Variants in RBFOX1 observed in about 807,000 individuals in gnomAD.
RBFOX1 encodes RNA binding protein fox-1 homolog 1.
In RBFOX1, 8 loss-of-function variants were observed where a neutral mutation model predicts 57.7. The observed-to-expected ratio is 0.14, with a 90% CI of 0.08 to 0.25. RBFOX1 has a LOEUF of 0.25. Among genes scored for constraint, RBFOX1 ranks in the 10% least tolerant of loss-of-function variants. RBFOX1 has a pLI of 1.00. For missense variants in RBFOX1, 611 were observed against 548.5 expected, an observed-to-expected ratio of 1.11 and a Z score of -1.14; for synonymous variants, 326 against 222.4, an observed-to-expected ratio of 1.47 and a Z score of -4.15.
chr16:6,768,095 A>T (rs12051090), intron 3 of RBFOX1, among the ~76,000 whole-genome samples: 9 of 151,384 alleles, frequency 5.9e-5, no homozygotes, highest in African/African-American at 1.9e-4. Flanking sequence ...ATATGAATCC[A>T]CTGATAAAGG....
At chr16:5,581,123 C>T (rs578221001) in intron 2 of RBFOX1, among the ~76,000 whole-genome samples, 3 of 152,132 alleles carry the variant, frequency 2.0e-5, no homozygotes, top group Non-Finnish European at 4.4e-5. Flanking sequence ...CTTGACAGAT[C>T]CAGAGGAGAA....
At chr16:6,729,287 G>T (rs946735596) in intron 3 of RBFOX1, among the ~76,000 whole-genome samples, 40 of 152,266 alleles carry the variant, frequency 2.6e-4, no homozygotes, top group African/African-American at 8.2e-4. Context: ...TGACGATCAA[G>T]ATTTGTTTAG....
intron 3 of RBFOX1, among the ~76,000 whole-genome samples, chr16:6,701,682 C>G (rs1344622074): frequency 1.3e-5 from 2 of 152,084 alleles, no homozygotes; most frequent in Non-Finnish European, 2.9e-5. Context: ...TTCATAATAG[C>G]AAAGACATGG....
chr16:5,420,004 T>G (rs9925972), intron 1 of RBFOX1, among the ~76,000 whole-genome samples: 8,927 of 152,152 alleles, frequency 0.059, 655 homozygotes, highest in African/African-American at 0.17. Context: ...TATTGTGACT[T>G]GGGCCTGTGA....
intron 14 of RBFOX1, among the ~76,000 whole-genome samples, chr16:7,701,129 G>C (rs189126314): frequency 1.2e-4 from 18 of 150,656 alleles, no homozygotes; most frequent in African/African-American, 4.0e-4. Flanking sequence ...GCGCTTTAAA[G>C]ACAAGCTAAG....
intron 4 of RBFOX1, among the ~76,000 whole-genome samples, chr16:7,470,451 G>T (rs562346740): frequency 6.6e-6 from 1 of 151,964 alleles, no homozygotes; most frequent in Non-Finnish European, 1.5e-5. Flanking sequence ...ATGAGTGGGT[G>T]GGTGGATGAG....
intron 2 of RBFOX1, among the ~76,000 whole-genome samples, chr16:6,477,727 T>G (rs1468927714): frequency 6.6e-6 from 1 of 152,206 alleles, no homozygotes; most frequent in Non-Finnish European, 1.5e-5. Flanking sequence ...GTTGACTTCT[T>G]TCTATGAAAG....
rs199713729 is a variant in RBFOX1 at position 6,830,362 on chromosome 16, C to CTT, written c.-16+175720_-16+175721dup. On this transcript the variant is annotated intron_variant, in intron 3 of 15. Transcript: ENST00000550418. ...CATTGTTTCATAAGAAAATATTCCA[C>CTT]TTTTTTTTTCCAGTTTATCTTTGAA... Among the ~76,000 whole-genome samples, 120 of 151,742 alleles carry CTT rather than the reference C, an allele frequency of 7.9e-4. 1 individual carries two copies. In the East Asian group the frequency reaches 0.02, roughly 25 times the overall value.
intron 2 of RBFOX1, among the ~76,000 whole-genome samples, chr16:6,601,818 G>T (rs185569319): frequency 6.6e-6 from 1 of 152,172 alleles, no homozygotes; most frequent in Non-Finnish European, 1.5e-5. Flanking sequence ...AGTGCTGCCC[G>T]CATGGAATTG....
chr16:6,985,976 A>T (rs902642673), intron 3 of RBFOX1, among the ~76,000 whole-genome samples: 1 of 151,472 alleles, frequency 6.6e-6, no homozygotes, highest in African/African-American at 2.4e-5. Context: ...TTCCAAACTT[A>T]CCGGACGAGA....
intron 12 of RBFOX1, among the ~76,000 whole-genome samples, chr16:7,663,798 C>A (rs1432808162): frequency 6.6e-6 from 1 of 152,160 alleles, no homozygotes. Flanking sequence ...GCCTTGTGAT[C>A]CTTACAAAAA....
At position 6,885,825 on chromosome 16, in the gene RBFOX1, C is replaced by A. The variant is rs575914437; in HGVS notation, c.-15-166232C>A. On this transcript the variant is annotated intron_variant, in intron 3 of 15. Coordinates refer to ENST00000550418, the MANE Select transcript of RBFOX1 (RefSeq NM_018723.4). ...GGATTACGGGCATGAATCACTGCAC[C>A]CGGCCTTAGTCATGCAATTTTTATT... Among the ~76,000 whole-genome samples, 9 of 152,264 alleles carry A rather than the reference C, an allele frequency of 5.9e-5. No individual in the cohort carries two copies. In the South Asian group the frequency reaches 1.9e-3, roughly 32 times the overall value.
chr16:6,861,661 C>A (rs145747518), intron 3 of RBFOX1, among the ~76,000 whole-genome samples: 1 of 151,980 alleles, frequency 6.6e-6, no homozygotes, highest in Admixed American at 6.6e-5. Context: ...TGGCATGCAA[C>A]CTCCTCTATT....
In RBFOX1 at chr16:7,710,837, G is replaced by A. The variant is rs2083897521; in HGVS notation, c.*92G>A. On this transcript the variant is annotated 3_prime_UTR_variant, in exon 16 of 16. Transcript: ENST00000550418. ...ATACATGCAGTAGTACATCATTTTA[G>A]CAACTCTAAAAAAAAAAAAAATACA... The A allele has an allele frequency of 2.3e-5, 24 of 1,023,076 alleles. No individual in the cohort carries two copies. Among genetic ancestry groups the A allele is most frequent in the Admixed American group, 4.6e-5 (1 of 21,906 alleles). The allele number at this position is 1,023,076 out of a possible 1,614,324, so 63.4% of individuals were successfully genotyped here. A position where few individuals can be genotyped will look rare whatever the true frequency, so the allele number is the denominator to read the frequency against.
At chr16:6,998,124 T>C (rs922943534) in intron 3 of RBFOX1, among the ~76,000 whole-genome samples, 1 of 152,122 alleles carries the variant, frequency 6.6e-6, no homozygotes, top group Non-Finnish European at 1.5e-5. Flanking sequence ...ATATGTAGTA[T>C]ATAATTATCT....
chr16:6,785,247 C>A (rs1005501231), intron 3 of RBFOX1, among the ~76,000 whole-genome samples: 1 of 152,112 alleles, frequency 6.6e-6, no homozygotes, highest in Non-Finnish European at 1.5e-5. Flanking sequence ...TCGTAACTAA[C>A]ATAAGAGTTT....
intron 4 of RBFOX1, among the ~76,000 whole-genome samples, chr16:5,921,445 G>A (rs2058818967): frequency 6.6e-6 from 1 of 152,172 alleles, no homozygotes; most frequent in Non-Finnish European, 1.5e-5. Context: ...TGTAAGGGAA[G>A]CATTCAGGCA....
rs1310967336 is a variant in RBFOX1, at chr16:7,029,073, TATATATATACAC to T, written c.-15-22982_-15-22971del. ...ATATATATATATATATATATATATA[TATATATATACAC>T]ACACACACACACACACACACACACA... On this transcript the variant is annotated intron_variant, in intron 3 of 15. Coordinates refer to ENST00000550418, the MANE Select transcript of RBFOX1 (RefSeq NM_018723.4). 1.5e-4 allele frequency among the ~76,000 whole-genome samples: 7 copies of T among 45,620 alleles called. 1 individual carries two copies. Among genetic ancestry groups the T allele is most frequent in the African/African-American group, 1.5e-3 (7 of 4,700 alleles). 29.9% of individuals were successfully genotyped at this position (45,620 alleles called of 152,430 possible). A position where few individuals can be genotyped will look rare whatever the true frequency, so the allele number is the denominator to read the frequency against.
At chr16:6,018,451 C>G (rs906368826), upstream of RBFOX1, among the ~76,000 whole-genome samples, 15 of 152,182 alleles carry the variant, frequency 9.9e-5, no homozygotes, top group African/African-American at 3.6e-4. Flanking sequence ...CATGGGGCTT[C>G]TGGCTGTAAG....
Sources: gnomAD v4.1 joint callset for allele counts (sites outside exome capture counted in the v4.1 genomes callset) on GRCh38, gnomAD v4.1.1 for gene constraint, MANE v1.5 for transcripts, NCBI Gene and HGNC (gene_info 2026-07-23, HGNC 2026-07-21) for gene names.